The following COL25A1 variants were observed in gnomAD, a reference collection of about 807,000 sequenced individuals.
COL25A1 encodes the protein collagen alpha-1(XXV) chain.
In COL25A1, 103 loss-of-function variants were observed where a neutral mutation model predicts 128.4. The observed-to-expected ratio is 0.80, with a 90% CI of 0.68 to 0.94. The LOEUF (loss-of-function observed/expected upper bound fraction) is 0.94, where lower values mean the gene tolerates loss of function less well. COL25A1 is among the 40% of genes least tolerant of loss of function. The pLI is 0.00. For missense variants in COL25A1, 745 were observed against 840.0 expected, an observed-to-expected ratio of 0.89 and a Z score of 1.40; for synonymous variants, 279 against 277.2, an observed-to-expected ratio of 1.01 and a Z score of -0.06.
intron 19 of COL25A1, among the ~76,000 whole-genome samples, chr4:108,874,722 T>A (rs971521545): frequency 2.0e-5 from 3 of 152,204 alleles, no homozygotes; most frequent in African/African-American, 7.2e-5. Context: ...AATGTTCTGT[T>A]AGTGCATTTT....
chr4:109,189,634 G>A (rs989420701), intron 3 of COL25A1, among the ~76,000 whole-genome samples: 6 of 150,790 alleles, frequency 4.0e-5, no homozygotes, highest in African/African-American at 1.5e-4. Flanking sequence ...GCTCGTATCA[G>A]CAATATTTGT....
At chr4:108,889,159 G>T in intron 18 of COL25A1, 62 bp downstream of exon 18, 1 of 1,338,804 alleles carries the variant, frequency 7.5e-7, no homozygotes, top group South Asian at 1.2e-5. Flanking sequence ...TTACACAGTG[G>T]ATGGTAGATA....
chr4:109,157,113 T>C (rs1772113116), intron 3 of COL25A1, among the ~76,000 whole-genome samples: 1 of 152,130 alleles, frequency 6.6e-6, no homozygotes, highest in African/African-American at 2.4e-5. Flanking sequence ...GCTCCTGAAA[T>C]TGAACAACTT....
chr4:109,282,590 A>G (rs948153334), intron 3 of COL25A1, among the ~76,000 whole-genome samples: 2 of 152,222 alleles, frequency 1.3e-5, no homozygotes, highest in East Asian at 3.8e-4. Flanking sequence ...TGTTAAAGAT[A>G]TTCTTCAATA....
At chr4:108,878,051 C>T (rs1172397297) in intron 19 of COL25A1, among the ~76,000 whole-genome samples, 3 of 152,118 alleles carry the variant, frequency 2.0e-5, no homozygotes, top group Non-Finnish European at 4.4e-5. Context: ...TTCATTCATA[C>T]AGAAATGACT....
In COL25A1 at chr4:109,019,335, T is replaced by C. The variant is rs1225624901; in HGVS notation, c.421-8960A>G. Reference sequence around the variant, plus strand: ...CTTAACAAACTCTCATATACATGTGTGTATACACACACATACACACACACA... The same window carrying C: ...CTTAACAAACTCTCATATACATGTGCGTATACACACACATACACACACACA... On this transcript the variant is annotated intron_variant, in intron 5 of 37. Coordinates refer to ENST00000399132, the MANE Select transcript of COL25A1 (RefSeq NM_198721.4). Among the ~76,000 whole-genome samples the C allele has an allele frequency of 2.0e-4, 15 of 76,560 alleles. No individual in the cohort carries two copies. In the Admixed American group the frequency reaches 2.2e-3, roughly 11 times the overall value. 50.2% of individuals were successfully genotyped at this position (76,560 alleles called of 152,430 possible).
intron 11 of COL25A1, among the ~76,000 whole-genome samples, chr4:108,936,319 A>G (rs1256115282): frequency 6.6e-6 from 1 of 152,192 alleles, no homozygotes; most frequent in Admixed American, 6.5e-5. Context: ...CTGTAATCCC[A>G]GCACTTTGGG....
At chr4:109,036,067 A>G (rs1759321310) in intron 5 of COL25A1, among the ~76,000 whole-genome samples, 1 of 151,966 alleles carries the variant, frequency 6.6e-6, no homozygotes, top group Non-Finnish European at 1.5e-5. Flanking sequence ...AGCTGGGACT[A>G]CAGGCGCCCG....
chr4:109,019,375 C>CACACATATATATATATAT (rs1338511772), intron 5 of COL25A1, among the ~76,000 whole-genome samples: 8 of 48,890 alleles, frequency 1.6e-4, no homozygotes, highest in Non-Finnish European at 2.4e-4. Context: ...CACACACACA[C>CACACATATATATATATAT]ATATATATAT....
intron 20 of COL25A1, among the ~76,000 whole-genome samples, chr4:108,865,302 A>T (rs1032706699): frequency 6.6e-6 from 1 of 152,210 alleles, no homozygotes; most frequent in Non-Finnish European, 1.5e-5. Flanking sequence ...GTAGGGCTTG[A>T]AATTCCAAGA....
chr4:108,986,479 C>T (rs189494068), intron 6 of COL25A1, among the ~76,000 whole-genome samples: 4 of 152,226 alleles, frequency 2.6e-5, no homozygotes, highest in African/African-American at 7.2e-5. Flanking sequence ...ACTCAATCTT[C>T]TGAATGTAAC....
chr4:108,999,252 C>T (rs61481081), intron 6 of COL25A1, among the ~76,000 whole-genome samples: 978 of 31,022 alleles, frequency 0.032, 14 homozygotes, highest in African/African-American at 0.062. Context: ...CTACAAAAAA[C>T]TTACACAAAT....
chr4:108,945,365 T>A (rs563133312), intron 8 of COL25A1, among the ~76,000 whole-genome samples: 28 of 152,278 alleles, frequency 1.8e-4, no homozygotes, highest in African/African-American at 6.5e-4. Flanking sequence ...GTACAGGTGT[T>A]GACACCTATC....
chr4:108,940,480 T>G (rs558004558), intron 10 of COL25A1, 59 bp downstream of exon 10: 1 of 1,426,188 alleles, frequency 7.0e-7, no homozygotes, highest in East Asian at 2.3e-5. Context: ...CCACCCTAGT[T>G]CTCAGCCCTT....
intron 18 of COL25A1, 60 bp from the exon 19 acceptor site, chr4:108,884,282 G>T: frequency 6.9e-7 from 1 of 1,448,120 alleles, no homozygotes; most frequent in Non-Finnish European, 9.7e-7. Context: ...AATATGTGGA[G>T]AAAAACATGG....
At chr4:109,240,818 T>A (rs1779850282) in intron 3 of COL25A1, among the ~76,000 whole-genome samples, 1 of 152,226 alleles carries the variant, frequency 6.6e-6, no homozygotes, top group African/African-American at 2.4e-5. Flanking sequence ...ATAGTACATT[T>A]AAGTTGTCTG....
intron 3 of COL25A1, among the ~76,000 whole-genome samples, chr4:109,199,971 C>T (rs1776421503): frequency 6.6e-6 from 1 of 152,194 alleles, no homozygotes; most frequent in African/African-American, 2.4e-5. Flanking sequence ...TTATTTTAAA[C>T]TGCTGAGATT....
intron 11 of COL25A1, among the ~76,000 whole-genome samples, chr4:108,925,185 TCAAAA>T (rs2125906563): frequency 6.6e-6 from 1 of 152,166 alleles, no homozygotes; most frequent in East Asian, 1.9e-4. Flanking sequence ...CAGTGAGCAC[TCAAAA>T]CAAAATAAGA....
At chr4:108,864,692 G>T (rs1737671816) in intron 20 of COL25A1, among the ~76,000 whole-genome samples, 1 of 152,164 alleles carries the variant, frequency 6.6e-6, no homozygotes, top group African/African-American at 2.4e-5. Flanking sequence ...TTGGATCCCT[G>T]GAGGTGAGAC....
Sources: gnomAD v4.1 joint callset for allele counts (sites outside exome capture counted in the v4.1 genomes callset) on GRCh38, gnomAD v4.1.1 for gene constraint, MANE v1.5 for transcripts, NCBI Gene and HGNC (gene_info 2026-07-23, HGNC 2026-07-21) for gene names.